Variants in CCAR1 observed in about 807,000 individuals in gnomAD.
CCAR1 encodes cell division cycle and apoptosis regulator protein 1.
Under a neutral mutation model 163.8 loss-of-function variants are expected in CCAR1, and 78 were observed. The observed-to-expected ratio is 0.48, with a 90% CI of 0.40 to 0.57. The LOEUF (loss-of-function observed/expected upper bound fraction) is 0.57, where lower values mean the gene tolerates loss of function less well. Ranked by LOEUF, CCAR1 falls within the 20% of genes least tolerant of loss-of-function variation. The pLI, the probability that CCAR1 is intolerant of heterozygous loss-of-function variation, is 0.00. For synonymous variants in CCAR1, 443 were observed against 460.7 expected, an observed-to-expected ratio of 0.96 and a Z score of 0.49; for missense variants, 1,019 against 1,365.2, an observed-to-expected ratio of 0.75 and a Z score of 4.00.
At chr10:68,783,092 C>T (rs2056755627) in intron 19 of CCAR1, among the ~76,000 whole-genome samples, 1 of 150,720 alleles carries the variant, frequency 6.6e-6, no homozygotes, top group Admixed American at 6.7e-5. Flanking sequence ...AGCCTTGGAC[C>T]TCCTGGCCTC....
chr10:68,776,481 A>T (rs1349347299), intron 19 of CCAR1, among the ~76,000 whole-genome samples: 1 of 152,006 alleles, frequency 6.6e-6, no homozygotes, highest in Non-Finnish European at 1.5e-5. Context: ...CAGGAGAATC[A>T]CTTGAACCCA....
Position 68,750,276 on chromosome 10 carries a change from C to T in CCAR1, c.1118+591C>T, listed in dbSNP as rs370072336. Among the ~76,000 whole-genome samples the T allele has an allele frequency of 2.5e-4, 36 of 144,750 alleles. No homozygotes were observed. In the South Asian group the frequency reaches 7.5e-3, roughly 30 times the overall value. 95.0% of individuals were successfully genotyped at this position (144,750 alleles called of 152,430 possible). On this transcript the variant is annotated intron_variant, in intron 10 of 24. Coordinates refer to ENST00000265872, the MANE Select transcript of CCAR1 (RefSeq NM_018237.4). ...TTTCACCCAGGTTGGAGTGCAGTGG[C>T]ATGATCTTAGCTCACTGCAGCCTCT...
rs570774318 is a variant in CCAR1, at chr10:68,730,343, A to T, written c.74-6533A>T. Among the ~76,000 whole-genome samples, 554 of 148,050 alleles carry T rather than the reference A, an allele frequency of 3.7e-3. 1 individual carries two copies. Among genetic ancestry groups the T allele is most frequent in the Non-Finnish European group, 5.6e-3 (374 of 66,946 alleles). ...TAAAAAAGAATATATATATATATAT[A>T]TATTTATTTTTTGAGATGGAGTCTA... On this transcript the variant is annotated intron_variant, in intron 2 of 24. Coordinates refer to ENST00000265872, the MANE Select transcript of CCAR1 (RefSeq NM_018237.4).
intron 2 of CCAR1, among the ~76,000 whole-genome samples, chr10:68,729,292 CAG>C (rs534376723): frequency 5.3e-4 from 77 of 146,370 alleles, no homozygotes; most frequent in African/African-American, 1.7e-3. Context: ...TTTTTTGAGA[CAG>C]AGTCTTGCTC....
chr10:68,722,045 T>C (rs1470993071), intron 1 of CCAR1, among the ~76,000 whole-genome samples: 1 of 152,202 alleles, frequency 6.6e-6, no homozygotes, highest in Non-Finnish European at 1.5e-5. Flanking sequence ...GTATCCGTTA[T>C]TGGTTTTAAC....
rs1162611990 is a variant in CCAR1 at position 68,723,231 on chromosome 10, C to T, written c.73+654C>T. ...CCGCCTCCCGGGTTCACGCCATTCT[C>T]CTGCCTCAGCCTCCTGAGTAGCTGG... is the stretch of plus-strand genomic sequence containing the variant. On this transcript the variant is annotated intron_variant, in intron 2 of 24. Transcript: ENST00000265872. Among the ~76,000 whole-genome samples, 6 of 151,486 alleles carry T rather than the reference C, an allele frequency of 4.0e-5. No individual in the cohort carries two copies. In the South Asian group the frequency reaches 1.0e-3, roughly 26 times the overall value.
chr10:68,722,551 T>G lies in CCAR1; in HGVS notation c.47T>G (p.Phe16Cys). 1 of 1,613,672 alleles carries G rather than the reference T, an allele frequency of 6.2e-7. No individual in the cohort carries two copies. Among genetic ancestry groups the G allele is most frequent in the Non-Finnish European group, 8.5e-7 (1 of 1,179,568 alleles). ...AAGAATCCGCCATGGGCTACTCAGTTTACAGCCACTGCAGTATCACAGCCA... is the reference window on the plus strand; with the variant it reads ...AAGAATCCGCCATGGGCTACTCAGTGTACAGCCACTGCAGTATCACAGCCA... The part of the protein sequence containing the change: ...GQKNPPWATQ[F>C]TATAVSQPAA... Residue 16 changes from phenylalanine (F) to cysteine (C), a missense_variant, in exon 2 of 25, where the codon TTT becomes TGT. Phe to Cys is a radical substitution (Grantham distance 205). Around this residue, in one of 4 missense-constraint regions of CCAR1, gnomAD observed 644 missense variants for 904.4 expected, o/e 0.71. Coordinates refer to ENST00000265872, the MANE Select transcript of CCAR1 (RefSeq NM_018237.4).
intron 19 of CCAR1, among the ~76,000 whole-genome samples, chr10:68,778,331 T>C (rs949721791): frequency 3.3e-5 from 5 of 152,198 alleles, no homozygotes; most frequent in African/African-American, 1.2e-4. Context: ...CCCTCACATA[T>C]GCTTCTATGT....
chr10:68,755,253 G>A, intron 12 of CCAR1, 117 bp from the exon 13 acceptor site: 1 of 916,840 alleles, frequency 1.1e-6, no homozygotes, highest in Non-Finnish European at 1.8e-6. Flanking sequence ...TTGACTGACA[G>A]ATACCAGAGG....
At chr10:68,737,916 A>G (rs757261335) in intron 4 of CCAR1, 27 bp downstream of exon 4, 2 of 1,498,066 alleles carry the variant, frequency 1.3e-6, no homozygotes, top group South Asian at 1.2e-5. Flanking sequence ...CGTGTTAAAA[A>G]CTGATTTTAA....
chr10:68,787,928 T>G lies in CCAR1; in HGVS notation c.2882T>G (p.Val961Gly), dbSNP rs367879843. The G allele has an allele frequency of 1.2e-6, 2 of 1,602,732 alleles. No individual in the cohort carries two copies. Among genetic ancestry groups the G allele is most frequent in the Non-Finnish European group, 1.7e-6 (2 of 1,176,964 alleles). Residue 961 changes from valine to glycine, a missense_variant and splice_region_variant, in exon 22 of 25, where the codon GTA (valine) becomes GGA (glycine). By Grantham distance (109) the Val-to-Gly change is moderately radical (BLOSUM62 -3). Around this residue, in one of 4 missense-constraint regions of CCAR1, gnomAD observed 358 missense variants for 406.4 expected, o/e 0.88. Transcript: ENST00000265872. ...TLGLHLSRAQ[V>G]KKLLNKVVLR... ...TTTGTTTACTTGCATGCATAACAGGTAAAGAAGCTTCTTAATAAAGTAGTG... is the reference window on the plus strand; with the variant it reads ...TTTGTTTACTTGCATGCATAACAGGGAAAGAAGCTTCTTAATAAAGTAGTG...
rs768226493 is a variant in CCAR1 at position 68,726,515 on chromosome 10, G to A, written c.73+3938G>A. Among the ~76,000 whole-genome samples, 8 of 152,076 alleles carry A rather than the reference G, an allele frequency of 5.3e-5. 1 individual carries two copies. The highest frequency in any genetic ancestry group is 2.1e-4 in the South Asian group (1 of 4,810). On this transcript the variant is annotated intron_variant, in intron 2 of 24. Transcript: ENST00000265872. ...TTACCATAGATCCTTACTTCCCTAA[G>A]GAAGCTTTTCTCCTCCCATCTCTGG...
Position 68,749,601 on chromosome 10 carries a change from G to C in CCAR1, c.1034G>C (p.Arg345Pro). ...QRKRSRERSP[R>P]RERERSPRRV... is the part of the protein sequence containing the mutation. ...AAACGTTCCCGGGAAAGATCTCCACGAAGAGAGCGAGAGCGATCACCTCGG... is the reference window on the plus strand; with the variant it reads ...AAACGTTCCCGGGAAAGATCTCCACCAAGAGAGCGAGAGCGATCACCTCGG... Residue 345 changes from arginine (R) to proline (P), a missense_variant, in exon 10 of 25, where the codon CGA becomes CCA. Transcript: ENST00000265872. The C allele has an allele frequency of 1.2e-6, 2 of 1,613,992 alleles. No homozygotes were observed. Among genetic ancestry groups the C allele is most frequent in the South Asian group, 2.2e-5 (2 of 91,080 alleles).
At chr10:68,724,736 G>C (rs1049222772) in intron 2 of CCAR1, among the ~76,000 whole-genome samples, 25 of 152,176 alleles carry the variant, frequency 1.6e-4, no homozygotes, top group African/African-American at 2.4e-5. Context: ...AGTGAGCCAT[G>C]ATGGTGCCAT....
intron 19 of CCAR1, among the ~76,000 whole-genome samples, chr10:68,781,691 C>T (rs1292696712): frequency 6.7e-6 from 1 of 149,976 alleles, no homozygotes; most frequent in Non-Finnish European, 1.5e-5. Context: ...CCCATCTCTA[C>T]AAAAAAAAAT....
intron 19 of CCAR1, among the ~76,000 whole-genome samples, chr10:68,775,694 T>C (rs1441541159): frequency 3.4e-5 from 4 of 119,334 alleles, no homozygotes; most frequent in Non-Finnish European, 5.2e-5. Context: ...TTTCTTTTTT[T>C]TTTTTTTTTT....
chr10:68,761,414 C>T (rs556227711), intron 16 of CCAR1, among the ~76,000 whole-genome samples: 1 of 152,242 alleles, frequency 6.6e-6, no homozygotes, highest in South Asian at 2.1e-4. Context: ...TCAAGCTATT[C>T]TCCTGCCTCA....
chr10:68,724,179 T>C (rs2055906049), intron 2 of CCAR1, among the ~76,000 whole-genome samples: 1 of 150,310 alleles, frequency 6.7e-6, no homozygotes, highest in African/African-American at 2.5e-5. Flanking sequence ...AAAATGTATT[T>C]AGGCTAGGTG....
intron 8 of CCAR1, among the ~76,000 whole-genome samples, chr10:68,748,004 C>T: frequency 6.6e-6 from 1 of 152,090 alleles, no homozygotes; most frequent in Non-Finnish European, 1.5e-5. Flanking sequence ...CAGTCATGTG[C>T]CACCATGCCC....
Sources: gnomAD v4.1 joint callset for allele counts (sites outside exome capture counted in the v4.1 genomes callset) on GRCh38, gnomAD v4.1.1 for gene constraint, gnomAD v4.1.1 regional missense constraint, MANE v1.5 for transcripts, NCBI Gene and HGNC (gene_info 2026-07-23, HGNC 2026-07-21) for gene names.